The following TLR3 variants were observed in gnomAD, a reference collection of about 807,000 sequenced individuals.
The protein encoded by TLR3 is toll like receptor 3, also known as toll-like receptor 3.
In TLR3, 43 loss-of-function variants were observed where a neutral mutation model predicts 66.4. The ratio of observed to expected loss-of-function variants is 0.65; its 90% CI spans 0.51 to 0.83. The LOEUF is 0.83. TLR3 is among the 40% of genes least tolerant of loss of function. The probability of loss-of-function intolerance (pLI) is 0.00; values close to 1 mark genes in which losing one functional copy is unlikely to be tolerated. For synonymous variants in TLR3, 397 were observed against 397.2 expected, an observed-to-expected ratio of 1.00 and a Z score of 0.01; for missense variants, 982 against 1,044.6, an observed-to-expected ratio of 0.94 and a Z score of 0.83.
chr4:186,087,850 G>A lies in TLR3; in HGVS notation c.*2977G>A, dbSNP rs576428732. On this transcript the variant is annotated 3_prime_UTR_variant, in exon 5 of 5. Coordinates refer to ENST00000296795, the MANE Select transcript of TLR3 (RefSeq NM_003265.3). ...ATCTATTGAGACACAAAGCAGATGA[G>A]TGGTTGTCTGGGCCTAGGAACAGGA... is the stretch of plus-strand genomic sequence containing the variant. 2.3e-4 allele frequency: 35 copies of A among 152,308 alleles called. No individual in the cohort carries two copies. The highest frequency in any genetic ancestry group is 8.4e-4 in the African/African-American group (35 of 41,580). 9.4% of individuals were successfully genotyped at this position (152,308 alleles called of 1,614,324 possible). A position where few individuals can be genotyped will look rare whatever the true frequency, so the allele number is the denominator to read the frequency against.
At position 186,083,104 on chromosome 4, in the gene TLR3, G is replaced by A. The variant is rs773841499; in HGVS notation, c.1418G>A (p.Arg473Lys). The A allele has an allele frequency of 4.3e-6, 7 of 1,614,198 alleles. No homozygotes were observed. Among genetic ancestry groups the A allele is most frequent in the Non-Finnish European group, 5.9e-6 (7 of 1,180,030 alleles). The change falls in exon 4 of 5, where the codon AGG becomes AAG. Residue 473 changes from arginine (R) to lysine (K), a missense_variant. This residue lies in a region of TLR3 where 666 missense variants were observed against 709.0 expected (regional missense o/e 0.94). Coordinates refer to ENST00000296795, the MANE Select transcript of TLR3 (RefSeq NM_003265.3). The surrounding 1 kb of genome is among the most constrained non-coding windows in gnomAD (Gnocchi z 4.0). Reference protein sequence around the residue: ...LSYNKYLQLTRNSFALVPSLQ... With the variant: ...LSYNKYLQLTKNSFALVPSLQ... ...TACAACAAGTACCTGCAGCTGACTA[G>A]GAACTCCTTTGCCTTGGTCCCAAGC...
chr4:186,080,792 G>A (rs1375023854), intron 3 of TLR3, among the ~76,000 whole-genome samples: 2 of 151,764 alleles, frequency 1.3e-5, no homozygotes, highest in Non-Finnish European at 2.9e-5. Flanking sequence ...GGATTTCACC[G>A]TGTTGGCCAG....
rs1050593205 is a variant in TLR3 at position 186,084,843 on chromosome 4, A to G, written c.2685A>G (p.Val895=). ...RIGAFRHKLQ[V]ALGSKNSVH is the part of the protein sequence containing the mutation. ...GTGCCTTTCGTCATAAATTGCAAGT[A>G]GCACTTGGATCCAAAAACTCTGTAC... The change falls in exon 5 of 5, where the codon GTA becomes GTG. Residue 895 remains valine, a synonymous_variant. Coordinates refer to ENST00000296795, the MANE Select transcript of TLR3 (RefSeq NM_003265.3). 2.5e-6 allele frequency: 4 copies of G among 1,613,942 alleles called. No individual in the cohort carries two copies. The highest frequency in any genetic ancestry group is 3.4e-6 in the Non-Finnish European group (4 of 1,179,904).
At position 186,078,840 on chromosome 4, in the gene TLR3, A is replaced by G. The variant is rs1452753905; in HGVS notation, c.442A>G (p.Asn148Asp). 1 of 1,613,706 alleles carries G rather than the reference A, an allele frequency of 6.2e-7. No individual in the cohort carries two copies. Among genetic ancestry groups the G allele is most frequent in the African/African-American group, 1.3e-5 (1 of 75,036 alleles). ...TATGCATATTATTTTTTCCCTTCAG[A>G]ATTTAATCACATTAGATCTGTCTCA... ...IKNNPFVKQK[N>D]LITLDLSHNG... The change falls in exon 3 of 5, where the codon AAT becomes GAT. Residue 148 changes from asparagine (N) to aspartate (D), a missense_variant and splice_region_variant. Around this residue, in one of 3 missense-constraint regions of TLR3, gnomAD observed 313 missense variants for 319.0 expected, o/e 0.98. Transcript: ENST00000296795.
rs200214332 is a variant in TLR3 at position 186,084,057 on chromosome 4, A to G, written c.2371A>G (p.Arg791Gly). 2.2e-5 allele frequency: 36 copies of G among 1,614,072 alleles called. No homozygotes were observed. The African/African-American group carries it at 4.1e-4, about 19-fold the overall frequency. The change falls in exon 4 of 5, where the codon AGG becomes GGG. Residue 791 changes from arginine to glycine, a missense_variant. This residue lies in a region of TLR3 where 666 missense variants were observed against 709.0 expected (regional missense o/e 0.94). Coordinates refer to ENST00000296795, the MANE Select transcript of TLR3 (RefSeq NM_003265.3). ...ATCTCTCAAATTTTGTCTGGAAGAA[A>G]GGGACTTTGAGGCGGGTGTTTTTGA... Reference protein sequence around the residue: ...DQSLKFCLEERDFEAGVFELE... With the variant: ...DQSLKFCLEEGDFEAGVFELE...
At position 186,082,304 on chromosome 4, in the gene TLR3, T is replaced by C. The variant is rs529266344; in HGVS notation, c.634-16T>C. On this transcript the variant is annotated splice_polypyrimidine_tract_variant and intron_variant, in intron 3 of 4. Transcript: ENST00000296795. ...GTTCTTTTGATTGTTAACCTCTTTT[T>C]TTTTCCTACCTTTAGTTTTCTCCAG... 9.3e-6 allele frequency: 15 copies of C among 1,606,710 alleles called. No individual in the cohort carries two copies. In the East Asian group the frequency reaches 1.8e-4, roughly 19 times the overall value.
At chr4:186,071,688 G>T (rs969615644) in intron 1 of TLR3, among the ~76,000 whole-genome samples, 5 of 150,114 alleles carry the variant, frequency 3.3e-5, no homozygotes, top group Non-Finnish European at 5.9e-5. Context: ...AGTTTTTTTT[G>T]TTGTTTTTTC....
chr4:186,083,178 T>G lies in TLR3; in HGVS notation c.1492T>G (p.Ser498Ala). 1.9e-6 allele frequency: 3 copies of G among 1,614,166 alleles called. No individual in the cohort carries two copies. The highest frequency in any genetic ancestry group is 2.5e-6 in the Non-Finnish European group (3 of 1,180,020). The change falls in exon 4 of 5, where the codon TCT becomes GCT. Residue 498 changes from serine to alanine, a missense_variant. This residue lies in a region of TLR3 where 666 missense variants were observed against 709.0 expected (regional missense o/e 0.94). Transcript: ENST00000296795. The surrounding 1 kb of genome is among the most constrained non-coding windows in gnomAD (Gnocchi z 4.0). Reference sequence around the variant, plus strand: ...GGTGGCCCTTAAAAATGTGGATAGCTCTCCTTCACCATTCCAGCCTCTTCG... The same window carrying G: ...GGTGGCCCTTAAAAATGTGGATAGCGCTCCTTCACCATTCCAGCCTCTTCG... ...RRVALKNVDS[S>A]PSPFQPLRNL...
In TLR3 at chr4:186,082,301, T is replaced by A; in HGVS notation, c.634-19T>A. The A allele has an allele frequency of 6.2e-7, 1 of 1,605,364 alleles. No individual in the cohort carries two copies. Among genetic ancestry groups the A allele is most frequent in the African/African-American group, 1.3e-5 (1 of 74,504 alleles). ...TGTGTTCTTTTGATTGTTAACCTCT[T>A]TTTTTTTCCTACCTTTAGTTTTCTC... On this transcript the variant is annotated intron_variant, in intron 3 of 4. Coordinates refer to ENST00000296795, the MANE Select transcript of TLR3 (RefSeq NM_003265.3).
chr4:186,071,603 A>G (rs1234315688), intron 1 of TLR3, among the ~76,000 whole-genome samples: 1 of 152,224 alleles, frequency 6.6e-6, no homozygotes, highest in African/African-American at 2.4e-5. Context: ...GGATATAAAG[A>G]ATGTGCACAG....
At position 186,082,671 on chromosome 4, in the gene TLR3, T is replaced by C; in HGVS notation, c.985T>C (p.Leu329=). ...HGLFNVRYLN[L]KRSFTKQSIS... is the part of the protein sequence containing the mutation. ...GCTTTTCAATGTGAGGTACCTGAAT[T>C]TGAAACGGTCTTTTACTAAACAAAG... Residue 329 remains leucine, a synonymous_variant, in exon 4 of 5, where the codon TTG becomes CTG. Coordinates refer to ENST00000296795, the MANE Select transcript of TLR3 (RefSeq NM_003265.3). 1 of 1,614,068 alleles carries C rather than the reference T, an allele frequency of 6.2e-7. No homozygotes were observed. Among genetic ancestry groups the C allele is most frequent in the Non-Finnish European group, 8.5e-7 (1 of 1,179,940 alleles).
chr4:186,079,224 A>ACTCTGCC (rs2099303000), intron 3 of TLR3, among the ~76,000 whole-genome samples, 193 bp downstream of exon 3: 1 of 151,932 alleles, frequency 6.6e-6, no homozygotes, highest in South Asian at 2.1e-4. Context: ...GGGAGACGGG[A>ACTCTGCC]CTCTGCCGCC....
At chr4:186,076,216 T>G (rs1240478830) in intron 1 of TLR3, among the ~76,000 whole-genome samples, 2 of 152,036 alleles carry the variant, frequency 1.3e-5, no homozygotes, top group Non-Finnish European at 2.9e-5. Flanking sequence ...AGAAAAGTTG[T>G]GAATAGAATG....
rs911868395 is a variant in TLR3, at chr4:186,079,028, A to G, written c.630A>G (p.Lys210=). Residue 210 remains lysine (K), a synonymous_variant, in exon 3 of 5, where the codon AAA becomes AAG. Transcript: ENST00000296795. ...TAGAGTTGTCATCGAATCAAATTAAAGAGGTAAGAAGTAAGGTAAAATTAT... is the reference window on the plus strand; with the variant it reads ...TAGAGTTGTCATCGAATCAAATTAAGGAGGTAAGAAGTAAGGTAAAATTAT... ...KKLELSSNQI[K]EFSPGCFHAI... 1 of 1,612,206 alleles carries G rather than the reference A, an allele frequency of 6.2e-7. No individual in the cohort carries two copies. The highest frequency in any genetic ancestry group is 8.5e-7 in the Non-Finnish European group (1 of 1,178,750).
chr4:186,085,067 T>G lies in TLR3; in HGVS notation c.*194T>G, dbSNP rs2099304145. On this transcript the variant is annotated 3_prime_UTR_variant, in exon 5 of 5. Coordinates refer to ENST00000296795, the MANE Select transcript of TLR3 (RefSeq NM_003265.3). ...GGCCTATTTTTGACAATTGACTTAA[T>G]TTTACCCAAAATAAAACATATAAGC... is the stretch of plus-strand genomic sequence containing the variant. The G allele has an allele frequency of 1.7e-6, 1 of 603,110 alleles. No individual in the cohort carries two copies. Among genetic ancestry groups the G allele is most frequent in the Admixed American group, 3.0e-5 (1 of 33,538 alleles). The allele number at this position is 603,110 out of a possible 1,614,324, so 37.4% of individuals were successfully genotyped here. A position where few individuals can be genotyped will look rare whatever the true frequency, so the allele number is the denominator to read the frequency against.
At position 186,084,844 on chromosome 4, in the gene TLR3, G is replaced by A; in HGVS notation, c.2686G>A (p.Ala896Thr). ...TGCCTTTCGTCATAAATTGCAAGTA[G>A]CACTTGGATCCAAAAACTCTGTACA... is the stretch of plus-strand genomic sequence containing the variant. ...IGAFRHKLQV[A>T]LGSKNSVH Residue 896 changes from alanine to threonine, a missense_variant, in exon 5 of 5, where the codon GCA becomes ACA. Ala to Thr is a moderately conservative substitution (Grantham distance 58). This residue lies in a region of TLR3 where 666 missense variants were observed against 709.0 expected (regional missense o/e 0.94). Coordinates refer to ENST00000296795, the MANE Select transcript of TLR3 (RefSeq NM_003265.3). The A allele has an allele frequency of 6.2e-7, 1 of 1,613,782 alleles. No homozygotes were observed. Among genetic ancestry groups the A allele is most frequent in the Non-Finnish European group, 8.5e-7 (1 of 1,179,862 alleles).
chr4:186,078,883 C>A lies in TLR3; in HGVS notation c.485C>A (p.Thr162Lys). ...CTGTCTCATAATGGCTTGTCATCTACAAAATTAGGAACTCAGGTTCAGCTG... is the reference window on the plus strand; with the variant it reads ...CTGTCTCATAATGGCTTGTCATCTAAAAAATTAGGAACTCAGGTTCAGCTG... ...LDLSHNGLSSTKLGTQVQLEN... is the reference protein window; with the variant it reads ...LDLSHNGLSSKKLGTQVQLEN... Residue 162 changes from threonine to lysine, a missense_variant, in exon 3 of 5, where the codon ACA becomes AAA. Physicochemically the swap from Thr to Lys is moderately conservative, Grantham distance 78. Transcript: ENST00000296795. The A allele has an allele frequency of 1.9e-6, 3 of 1,613,982 alleles. No homozygotes were observed. The highest frequency in any genetic ancestry group is 1.1e-5 in the South Asian group (1 of 91,072).
At chr4:186,071,329 T>C (rs1261192451) in intron 1 of TLR3, among the ~76,000 whole-genome samples, 1 of 152,218 alleles carries the variant, frequency 6.6e-6, no homozygotes, top group Non-Finnish European at 1.5e-5. Flanking sequence ...TTCTGACCTA[T>C]AGCAGGAGCC....
rs959657003 is a variant in TLR3, at chr4:186,086,316, A to G, written c.*1443A>G. On this transcript the variant is annotated 3_prime_UTR_variant, in exon 5 of 5. Transcript: ENST00000296795. ...AAATTATAAAGCTGAGTTAATTTCT[A>G]TACCTGAAATGTTCATTTGTCTGCT... 11 of 152,360 alleles carry G rather than the reference A, an allele frequency of 7.2e-5. No homozygotes were observed. The highest frequency in any genetic ancestry group is 3.4e-3 in the Middle Eastern group (1 of 294). 9.4% of individuals were successfully genotyped at this position (152,360 alleles called of 1,614,324 possible).
Sources: gnomAD v4.1 joint callset for allele counts (sites outside exome capture counted in the v4.1 genomes callset) on GRCh38, gnomAD v4.1.1 for gene constraint, gnomAD v4.1.1 regional missense constraint, Gnocchi (gnomAD v3.1) non-coding constraint, MANE v1.5 for transcripts, NCBI Gene and HGNC (gene_info 2026-07-23, HGNC 2026-07-21) for gene names.